The following RSRC1 variants were observed in gnomAD, a reference collection of about 807,000 sequenced individuals.
The protein encoded by RSRC1 is serine/Arginine-related protein 53.
In RSRC1, 39 loss-of-function variants were observed where a neutral mutation model predicts 49.1. The ratio of observed to expected loss-of-function variants is 0.79; its 90% CI spans 0.61 to 1.04. The LOEUF (loss-of-function observed/expected upper bound fraction) is 1.04. Ranked by LOEUF, RSRC1 falls within the 50% of genes least tolerant of loss-of-function variation. The pLI is 0.00. For synonymous variants in RSRC1, 143 were observed against 130.8 expected (o/e 1.09, Z -0.63); for missense variants, 388 against 402.4 (o/e 0.96, Z 0.31).
intron 3 of RSRC1, among the ~76,000 whole-genome samples, chr3:158,165,277 T>C (rs1559925920): frequency 6.6e-6 from 1 of 152,222 alleles, no homozygotes; most frequent in Non-Finnish European, 1.5e-5. Flanking sequence ...TTAAATGCAT[T>C]AAGGTGAAGT....
At chr3:158,293,427 G>A (rs1417072737) in intron 4 of RSRC1, among the ~76,000 whole-genome samples, 1 of 151,824 alleles carries the variant, frequency 6.6e-6, no homozygotes. Context: ...ACCTTTTTTT[G>A]GGAAACCCTT....
intron 4 of RSRC1, among the ~76,000 whole-genome samples, chr3:158,254,550 C>T (rs535358117): frequency 6.6e-6 from 1 of 152,140 alleles, no homozygotes; most frequent in South Asian, 2.1e-4. Context: ...TCCTGCCTCA[C>T]CCTCCCGAGT....
At chr3:158,281,112 A>G (rs940771282) in intron 4 of RSRC1, among the ~76,000 whole-genome samples, 9 of 151,938 alleles carry the variant, frequency 5.9e-5, no homozygotes, top group African/African-American at 2.2e-4. Flanking sequence ...AAATATAGAT[A>G]GTTTTTGTGA....
At position 158,276,136 on chromosome 3, in the gene RSRC1, G is replaced by A; in HGVS notation, c.495-21903G>A. 2.3e-5 allele frequency: 21 copies of A among 928,276 alleles called. 1 individual carries two copies. In the South Asian group the frequency reaches 2.7e-4, roughly 12 times the overall value. 57.5% of individuals were successfully genotyped at this position (928,276 alleles called of 1,614,324 possible). ...CTCCTCTGCAACGGACTGAAGCTGT[G>A]AGCAAACTTTAGCTGGTTAACACCA... On this transcript the variant is annotated intron_variant, in intron 4 of 9. Transcript: ENST00000611884.
chr3:158,435,811 A>G (rs1026982825), intron 6 of RSRC1, among the ~76,000 whole-genome samples: 1 of 151,766 alleles, frequency 6.6e-6, no homozygotes, highest in Admixed American at 6.6e-5. Context: ...TAACTAGAAG[A>G]TGAGGTTTTA....
chr3:158,354,934 TA>T, intron 6 of RSRC1, 26 bp downstream of exon 6: 1 of 1,499,582 alleles, frequency 6.7e-7, no homozygotes, highest in Non-Finnish European at 8.9e-7. Flanking sequence ...TAACTTTTAT[TA>T]AATGAAGAAG....
intron 6 of RSRC1, among the ~76,000 whole-genome samples, chr3:158,358,953 A>ACAC (rs1430134198): frequency 0.19 from 28,059 of 144,214 alleles, 2,904 homozygotes; most frequent in Middle Eastern, 0.27. Context: ...CACACACACA[A>ACAC]CTTATTAATC....
intron 4 of RSRC1, among the ~76,000 whole-genome samples, chr3:158,207,529 A>G (rs1238833929): frequency 4.6e-5 from 7 of 152,150 alleles, no homozygotes; most frequent in Non-Finnish European, 8.8e-5. Flanking sequence ...GGACTTATGT[A>G]TTAGTTCATT....
intron 6 of RSRC1, among the ~76,000 whole-genome samples, chr3:158,424,393 A>G (rs868423803): frequency 1.3e-5 from 2 of 151,608 alleles, no homozygotes; most frequent in Non-Finnish European, 2.9e-5. Flanking sequence ...ATTGATTTGC[A>G]TATGTTGAAC....
intron 4 of RSRC1, among the ~76,000 whole-genome samples, chr3:158,287,200 T>A (rs1726622606): frequency 6.6e-6 from 1 of 152,214 alleles, no homozygotes; most frequent in Non-Finnish European, 1.5e-5. Context: ...GTTGACTGTG[T>A]TACATATGGG....
At chr3:158,170,806 C>T (rs777923938) in intron 3 of RSRC1, among the ~76,000 whole-genome samples, 10 of 151,944 alleles carry the variant, frequency 6.6e-5, no homozygotes, top group Non-Finnish European at 1.5e-4. Flanking sequence ...CTTCATTTTT[C>T]CCATCTTTTC....
chr3:158,414,799 A>T (rs4679828), intron 6 of RSRC1, among the ~76,000 whole-genome samples: 76,031 of 151,946 alleles, frequency 0.5, 19,314 homozygotes, highest in South Asian at 0.6. Flanking sequence ...CTTACAATTA[A>T]TTCTTACATT....
At chr3:158,196,000 T>C (rs1469702925) in intron 3 of RSRC1, among the ~76,000 whole-genome samples, 2 of 152,166 alleles carry the variant, frequency 1.3e-5, no homozygotes, top group Non-Finnish European at 2.9e-5. Flanking sequence ...TGGTTCCATA[T>C]GAGCTTTAAA....
At position 158,287,195 on chromosome 3, in the gene RSRC1, C is replaced by G. The variant is rs1421697084; in HGVS notation, c.495-10844C>G. On this transcript the variant is annotated intron_variant, in intron 4 of 9. Coordinates refer to ENST00000611884, the MANE Select transcript of RSRC1 (RefSeq NM_001271838.2). ...ATGACCTTCTATTTGGGATTGTTGACTGTGTTACATATGGGAATATATTGC... is the reference window on the plus strand; with the variant it reads ...ATGACCTTCTATTTGGGATTGTTGAGTGTGTTACATATGGGAATATATTGC... Among the ~76,000 whole-genome samples the G allele has an allele frequency of 2.6e-5, 4 of 152,096 alleles. No individual in the cohort carries two copies. In the East Asian group the frequency reaches 7.7e-4, roughly 29 times the overall value.
At chr3:158,366,546 G>A (rs1028556103) in intron 6 of RSRC1, among the ~76,000 whole-genome samples, 4 of 152,100 alleles carry the variant, frequency 2.6e-5, no homozygotes, top group South Asian at 2.1e-4. Context: ...TTTGGTTACC[G>A]TAGCCTTGTA....
chr3:158,499,300 C>A (rs1256574727), intron 7 of RSRC1, among the ~76,000 whole-genome samples: 1 of 152,052 alleles, frequency 6.6e-6, no homozygotes, highest in Non-Finnish European at 1.5e-5. Context: ...TGGTGTGAAC[C>A]CGGGAGGTGG....
intron 3 of RSRC1, among the ~76,000 whole-genome samples, chr3:158,160,189 A>G (rs1718136937): frequency 6.6e-6 from 1 of 152,156 alleles, no homozygotes; most frequent in Non-Finnish European, 1.5e-5. Flanking sequence ...TTTAAGATGA[A>G]TGATTGTGTC....
intron 6 of RSRC1, among the ~76,000 whole-genome samples, chr3:158,410,857 C>G (rs1243676972): frequency 2.6e-5 from 4 of 152,096 alleles, no homozygotes; most frequent in African/African-American, 9.6e-5. Context: ...TATTGTAAAT[C>G]AGTACTTGTG....
chr3:158,254,214 C>A (rs964922836), intron 4 of RSRC1, among the ~76,000 whole-genome samples: 4 of 152,080 alleles, frequency 2.6e-5, no homozygotes, highest in African/African-American at 9.7e-5. Flanking sequence ...TGAATAGTGC[C>A]AGAATAAACA....
Sources: allele counts gnomAD v4.1 joint callset (sites outside exome capture counted in the v4.1 genomes callset), GRCh38; gene constraint gnomAD v4.1.1; transcripts MANE v1.5; gene names NCBI Gene and HGNC (gene_info 2026-07-23, HGNC 2026-07-21).